Variants in TRPC4AP observed in about 807,000 individuals in gnomAD.
The protein encoded by TRPC4AP is short transient receptor potential channel 4-associated protein.
TRPC4AP carries 45 observed loss-of-function variants against 99.0 expected under a neutral mutation model. The observed-to-expected ratio is 0.45, with a 90% CI of 0.36 to 0.58. The LOEUF (loss-of-function observed/expected upper bound fraction) is 0.58. TRPC4AP is among the 20% of genes least tolerant of loss of function. The probability of loss-of-function intolerance (pLI) is 0.00; values close to 1 mark genes in which losing one functional copy is unlikely to be tolerated. For missense variants in TRPC4AP, 879 were observed against 985.3 expected, an observed-to-expected ratio of 0.89 and a Z score of 1.44; for synonymous variants, 408 against 385.8, an observed-to-expected ratio of 1.06 and a Z score of -0.67.
chr20:35,089,344 G>A lies in TRPC4AP; in HGVS notation c.168+3270C>T, dbSNP rs143183022. ...CAGGCTCAAGCGATCTTCCCACCTCGGGTTCCTGAGCAGCTGGGACTACAG... is the reference window on the plus strand; with the variant it reads ...CAGGCTCAAGCGATCTTCCCACCTCAGGTTCCTGAGCAGCTGGGACTACAG... On this transcript the variant is annotated intron_variant, in intron 1 of 18. Transcript: ENST00000252015. Among the ~76,000 whole-genome samples the A allele has an allele frequency of 1.1e-3, 172 of 151,428 alleles. 1 individual carries two copies. Among genetic ancestry groups the A allele is most frequent in the Non-Finnish European group, 1.3e-3 (88 of 67,906 alleles).
chr20:35,045,206 T>A (rs1484406107), intron 6 of TRPC4AP, among the ~76,000 whole-genome samples: 1 of 152,228 alleles, frequency 6.6e-6, no homozygotes, highest in Non-Finnish European at 1.5e-5. Context: ...CCGTGCATGT[T>A]TTTATACTTA....
intron 12 of TRPC4AP, 150 bp from the exon 13 acceptor site, chr20:35,008,897 C>T (rs113022302): frequency 2.1e-5 from 14 of 656,096 alleles, no homozygotes; most frequent in Admixed American, 8.8e-5. Context: ...TCCAGAGCCC[C>T]GGAGACCCCT....
intron 10 of TRPC4AP, among the ~76,000 whole-genome samples, chr20:35,013,288 A>G (rs1183728031): frequency 2.0e-5 from 3 of 152,138 alleles, no homozygotes; most frequent in African/African-American, 7.2e-5. Context: ...ATCACACTCA[A>G]TAAAAAATAA....
Position 35,039,747 on chromosome 20 carries a change from G to T in TRPC4AP, c.866-4439C>A, listed in dbSNP as rs140284031. Among the ~76,000 whole-genome samples the T allele has an allele frequency of 5.9e-5, 9 of 152,136 alleles. No homozygotes were observed. The South Asian group carries it at 1.5e-3, about 25-fold the overall frequency. ...ATCTCTGCTAAGAATCTTGAAAGACGTTACTTTCCCCCAGAAGGAAACCAG... is the reference window on the plus strand; with the variant it reads ...ATCTCTGCTAAGAATCTTGAAAGACTTTACTTTCCCCCAGAAGGAAACCAG... On this transcript the variant is annotated intron_variant, in intron 7 of 18. Transcript: ENST00000252015.
At chr20:35,008,884 G>A (rs2082570484) in intron 12 of TRPC4AP, 137 bp from the exon 13 acceptor site, 2 of 741,042 alleles carry the variant, frequency 2.7e-6, no homozygotes, top group Non-Finnish European at 4.5e-6. Flanking sequence ...TGCTCCAACT[G>A]GGTCCAGAGC....
At chr20:35,050,016 G>A (rs1010212611) in intron 5 of TRPC4AP, 22 bp from the exon 6 acceptor site, 2 of 1,609,716 alleles carry the variant, frequency 1.2e-6, no homozygotes, top group Non-Finnish European at 1.7e-6. Flanking sequence ...AGAAAAGGCA[G>A]AATAGGTTGT....
chr20:35,021,819 G>A (rs1057160859), intron 8 of TRPC4AP, among the ~76,000 whole-genome samples: 3 of 152,140 alleles, frequency 2.0e-5, no homozygotes, highest in Non-Finnish European at 4.4e-5. Flanking sequence ...AGAATTCCCC[G>A]TTTTTTAAAA....
At chr20:35,038,197 T>C (rs1173191951) in intron 7 of TRPC4AP, among the ~76,000 whole-genome samples, 6 of 151,272 alleles carry the variant, frequency 4.0e-5, no homozygotes, top group Non-Finnish European at 8.8e-5. Flanking sequence ...AGTTGTTCAC[T>C]TTAAGACGGC....
intron 7 of TRPC4AP, among the ~76,000 whole-genome samples, chr20:35,043,885 CATT>C (rs1336305552): frequency 5.9e-5 from 9 of 152,250 alleles, no homozygotes; most frequent in Admixed American, 3.9e-4. Context: ...GTCTATACAT[CATT>C]ATCTATAAAA....
intron 7 of TRPC4AP, among the ~76,000 whole-genome samples, chr20:35,043,264 T>G (rs77089953): frequency 6.6e-6 from 1 of 151,478 alleles, no homozygotes; most frequent in East Asian, 1.9e-4. Flanking sequence ...TTTTTTTTTT[T>G]GAGACGGAGT....
At chr20:35,079,020 C>T (rs1159413392) in intron 1 of TRPC4AP, among the ~76,000 whole-genome samples, 1 of 152,134 alleles carries the variant, frequency 6.6e-6, no homozygotes, top group South Asian at 2.1e-4. Context: ...GAGCCAAGAT[C>T]GCGCCATGGC....
chr20:35,064,527 C>T (rs1042981525), intron 3 of TRPC4AP, among the ~76,000 whole-genome samples: 4 of 152,250 alleles, frequency 2.6e-5, no homozygotes, highest in Admixed American at 6.5e-5. Flanking sequence ...CTTAAAGCAG[C>T]AGATTAAAAA....
At chr20:35,021,082 C>T (rs566699719) in intron 9 of TRPC4AP, 108 bp downstream of exon 9, 1 of 1,265,050 alleles carries the variant, frequency 7.9e-7, no homozygotes, top group South Asian at 1.4e-5. Flanking sequence ...CTTTGCCAGG[C>T]TAAAGCGAGA....
chr20:35,040,023 AACTTT>A (rs1315625293), intron 7 of TRPC4AP, among the ~76,000 whole-genome samples: 1 of 151,760 alleles, frequency 6.6e-6, no homozygotes. Flanking sequence ...ACGAAACGAA[AACTTT>A]TTGGCAACAT....
At chr20:35,074,520 G>A (rs1224642892) in intron 2 of TRPC4AP, among the ~76,000 whole-genome samples, 10 of 152,064 alleles carry the variant, frequency 6.6e-5, no homozygotes, top group Admixed American at 2.6e-4. Flanking sequence ...CCTTCATTTC[G>A]TTATGTACCC....
At chr20:35,078,005 A>G in intron 2 of TRPC4AP, 41 bp downstream of exon 2, 1 of 1,554,442 alleles carries the variant, frequency 6.4e-7, no homozygotes, top group Middle Eastern at 1.7e-4. Context: ...TGTGTCACCT[A>G]GAGGCCCTGA....
intron 11 of TRPC4AP, among the ~76,000 whole-genome samples, chr20:35,011,095 C>CT (rs1187506161): frequency 6.6e-6 from 1 of 152,078 alleles, no homozygotes; most frequent in Non-Finnish European, 1.5e-5. Context: ...CCCATCTCTA[C>CT]TAAAAATATA....
chr20:35,074,103 TG>T (rs2084402350), intron 2 of TRPC4AP, among the ~76,000 whole-genome samples: 1 of 152,250 alleles, frequency 6.6e-6, no homozygotes, highest in African/African-American at 2.4e-5. Context: ...TGTATTTCTG[TG>T]GGATTGGTGG....
intron 1 of TRPC4AP, among the ~76,000 whole-genome samples, chr20:35,083,161 T>C (rs892916512): frequency 1.3e-5 from 2 of 152,144 alleles, no homozygotes; most frequent in African/African-American, 4.8e-5. Flanking sequence ...GCAATATACA[T>C]GAATAATATA....
Sources: gnomAD v4.1 joint callset for allele counts (sites outside exome capture counted in the v4.1 genomes callset) on GRCh38, gnomAD v4.1.1 for gene constraint, MANE v1.5 for transcripts, NCBI Gene and HGNC (gene_info 2026-07-23, HGNC 2026-07-21) for gene names.